The following ABCC1 variants were observed in gnomAD, a reference collection of about 807,000 sequenced individuals.
ABCC1 encodes ATP binding cassette subfamily C member 1 (ABCC1 blood group), also known as multidrug resistance-associated protein 1.
Under a neutral mutation model 172.9 loss-of-function variants are expected in ABCC1, and 83 were observed. The observed-to-expected ratio is 0.48, with a 90% CI of 0.40 to 0.58. The LOEUF (loss-of-function observed/expected upper bound fraction) is 0.58. Among genes scored for constraint, ABCC1 ranks in the 20% least tolerant of loss-of-function variants. The pLI is 0.00. For synonymous variants in ABCC1, 937 were observed against 825.2 expected, an observed-to-expected ratio of 1.14 and a Z score of -2.32; for missense variants, 1,817 against 2,002.7, an observed-to-expected ratio of 0.91 and a Z score of 1.77.
intron 5 of ABCC1, among the ~76,000 whole-genome samples, chr16:16,025,747 C>T (rs1021684441): frequency 3.3e-5 from 5 of 152,192 alleles, no homozygotes; most frequent in Non-Finnish European, 7.4e-5. Context: ...TGGTACCAAA[C>T]GTAGATGTCA....
intron 19 of ABCC1, among the ~76,000 whole-genome samples, chr16:16,096,006 T>G (rs962219286): frequency 1.3e-5 from 2 of 152,156 alleles, no homozygotes; most frequent in Non-Finnish European, 2.9e-5. Flanking sequence ...GTGGCTCATA[T>G]GTGTAATGCC....
intron 19 of ABCC1, among the ~76,000 whole-genome samples, chr16:16,097,808 C>A (rs1047169658): frequency 1.3e-5 from 2 of 152,174 alleles, no homozygotes; most frequent in African/African-American, 4.8e-5. Flanking sequence ...GGTACGTGAG[C>A]CTCTGTGTGG....
At chr16:16,044,357 TC>T in intron 7 of ABCC1, 92 bp from the exon 8 acceptor site, 1 of 1,130,520 alleles carries the variant, frequency 8.8e-7, no homozygotes. Flanking sequence ...GACTCTGCCT[TC>T]CCTGAAGGGT....
intron 10 of ABCC1, among the ~76,000 whole-genome samples, chr16:16,052,430 TA>T (rs58572178): frequency 6.6e-4 from 97 of 146,574 alleles, no homozygotes; most frequent in Middle Eastern, 3.5e-3. Flanking sequence ...CCTCATCTCC[TA>T]AAAAAAAAAA....
chr16:16,040,562 C>G (rs1473898828), intron 7 of ABCC1, among the ~76,000 whole-genome samples: 1 of 152,126 alleles, frequency 6.6e-6, no homozygotes, highest in Non-Finnish European at 1.5e-5. Context: ...GCTGGGATTA[C>G]AGGTGTGAGC....
intron 12 of ABCC1, among the ~76,000 whole-genome samples, chr16:16,061,619 GTT>G (rs1409363034): frequency 6.6e-6 from 1 of 152,074 alleles, no homozygotes; most frequent in African/African-American, 2.4e-5. Context: ...TTTCTTGTGT[GTT>G]TTTCCAGAGT....
intron 1 of ABCC1, among the ~76,000 whole-genome samples, chr16:15,950,011 G>T (rs546486743): frequency 8.6e-4 from 131 of 152,098 alleles, no homozygotes; most frequent in Non-Finnish European, 1.5e-3. Flanking sequence ...GGAGCAGAGC[G>T]TGGGGGGCCG....
intron 15 of ABCC1, among the ~76,000 whole-genome samples, chr16:16,078,445 T>C (rs1447266805): frequency 6.6e-6 from 1 of 152,224 alleles, no homozygotes; most frequent in African/African-American, 2.4e-5. Context: ...CTCAGATTTA[T>C]TCATATGCGT....
chr16:16,098,804 T>C, intron 19 of ABCC1: 1 of 1,306,850 alleles, frequency 7.7e-7, no homozygotes, highest in Non-Finnish European at 1.0e-6. Flanking sequence ...CTCCTTTATT[T>C]AGATAGGGGC....
intron 3 of ABCC1, among the ~76,000 whole-genome samples, chr16:16,011,700 C>T (rs7197317): frequency 0.4 from 60,359 of 151,582 alleles, 13,827 homozygotes; most frequent in Non-Finnish European, 0.52. Flanking sequence ...GATGGAGTTT[C>T]GCTTTGTTGC....
At chr16:15,999,657 G>A (rs1032669661) in intron 1 of ABCC1, among the ~76,000 whole-genome samples, 1 of 149,536 alleles carries the variant, frequency 6.7e-6, no homozygotes, top group Non-Finnish European at 1.5e-5. Context: ...AAAGAAATGG[G>A]GTCTCACTGT....
intron 3 of ABCC1, among the ~76,000 whole-genome samples, chr16:16,012,777 G>A (rs2047841096): frequency 6.6e-6 from 1 of 151,436 alleles, no homozygotes; most frequent in Non-Finnish European, 1.5e-5. Context: ...CTGCCTCCCG[G>A]GTTCAAGTGA....
intron 15 of ABCC1, 60 bp downstream of exon 15, chr16:16,076,461 C>T (rs953997109): frequency 4.3e-5 from 64 of 1,483,278 alleles, no homozygotes; most frequent in African/African-American, 4.1e-4. Flanking sequence ...TTTTGTTAAA[C>T]GTGGATTCGA....
chr16:16,043,115 G>A (rs1453762841), intron 7 of ABCC1, among the ~76,000 whole-genome samples: 2 of 150,822 alleles, frequency 1.3e-5, no homozygotes, highest in Non-Finnish European at 1.5e-5. Context: ...CACCCGCCTC[G>A]ACCTCCCGAA....
intron 1 of ABCC1, among the ~76,000 whole-genome samples, chr16:15,968,642 G>T (rs148093330): frequency 1.3e-5 from 2 of 152,280 alleles, no homozygotes; most frequent in East Asian, 3.9e-4. Flanking sequence ...CTCCCAAAGT[G>T]CTGGGATTAC....
intron 2 of ABCC1, among the ~76,000 whole-genome samples, chr16:16,008,635 A>G (rs1178659283): frequency 1.3e-5 from 2 of 151,832 alleles, no homozygotes; most frequent in Non-Finnish European, 2.9e-5. Context: ...CGGGCAGGTC[A>G]GGAGTTTGAG....
At chr16:16,112,172 T>C (rs1162599552) in intron 22 of ABCC1, among the ~76,000 whole-genome samples, 38 of 151,998 alleles carry the variant, frequency 2.5e-4, no homozygotes, top group Non-Finnish European at 2.9e-5. Context: ...GGCAACATAG[T>C]GAGACCCTAT....
chr16:15,952,678 G>T (rs1468238269), intron 1 of ABCC1, among the ~76,000 whole-genome samples: 1 of 140,136 alleles, frequency 7.1e-6, no homozygotes, highest in Non-Finnish European at 1.5e-5. Context: ...TTGGCATGAT[G>T]GTTGGAAAAA....
intron 11 of ABCC1, among the ~76,000 whole-genome samples, chr16:16,053,976 T>C (rs1380811276): frequency 1.3e-5 from 2 of 148,346 alleles, no homozygotes; most frequent in African/African-American, 4.9e-5. Context: ...ATATGTGGGT[T>C]TTTTTTTTTG....
Sources: gnomAD v4.1 joint callset for allele counts (sites outside exome capture counted in the v4.1 genomes callset) on GRCh38, gnomAD v4.1.1 for gene constraint, MANE v1.5 for transcripts, NCBI Gene and HGNC (gene_info 2026-07-23, HGNC 2026-07-21) for gene names.